STPG2: variants seen among roughly 807,000 people sequenced by gnomAD.
STPG2 encodes the protein sperm tail PG-rich repeat containing 2.
STPG2 carries 56 observed loss-of-function variants against 54.2 expected under a neutral mutation model. That is an observed-to-expected ratio of 1.03 (90% confidence interval 0.83 to 1.29). STPG2 has a LOEUF of 1.29. STPG2 is among the 50% of genes most tolerant of loss of function. STPG2 has a pLI of 0.00. For missense variants in STPG2, 596 were observed against 544.9 expected (o/e 1.09, Z -0.93); for synonymous variants, 200 against 181.8 (o/e 1.10, Z -0.81).
chr4:97,567,486 TCTGA>T (rs776439437), intron 10 of STPG2, among the ~76,000 whole-genome samples: 7 of 150,554 alleles, frequency 4.6e-5, no homozygotes, highest in Non-Finnish European at 8.9e-5. Flanking sequence ...CTCCCCATAA[TCTGA>T]CTTTCAGGAG....
At chr4:97,900,581 A>G (rs1578668850) in intron 8 of STPG2, among the ~76,000 whole-genome samples, 1 of 152,102 alleles carries the variant, frequency 6.6e-6, no homozygotes, top group Non-Finnish European at 1.5e-5. Context: ...ACAATGAAAT[A>G]CCATGCTGCC....
chr4:97,754,015 T>C (rs1578535751), intron 9 of STPG2, among the ~76,000 whole-genome samples: 1 of 152,110 alleles, frequency 6.6e-6, no homozygotes, highest in Non-Finnish European at 1.5e-5. Flanking sequence ...TTTGCACTTT[T>C]GATGTCATAT....
At chr4:97,711,771 G>A (rs1461634081) in intron 10 of STPG2, among the ~76,000 whole-genome samples, 1 of 150,172 alleles carries the variant, frequency 6.7e-6, no homozygotes, top group Non-Finnish European at 1.5e-5. Flanking sequence ...CCAGATCCAA[G>A]CGATTCTCCT....
intron 4 of STPG2, among the ~76,000 whole-genome samples, chr4:97,520,702 C>A (rs543797756): frequency 4.6e-5 from 7 of 151,938 alleles, no homozygotes; most frequent in Non-Finnish European, 1.0e-4. Context: ...AAAGTGATCA[C>A]AATATTTCCA....
intron 4 of STPG2, among the ~76,000 whole-genome samples, chr4:98,107,387 C>T (rs1384305727): frequency 6.6e-6 from 1 of 152,018 alleles, no homozygotes; most frequent in Non-Finnish European, 1.5e-5. Flanking sequence ...AAGCAGCTAA[C>T]TCAAAGAGCA....
chr4:97,906,202 G>C (rs2149193494), intron 8 of STPG2, among the ~76,000 whole-genome samples: 1 of 152,308 alleles, frequency 6.6e-6, no homozygotes, highest in South Asian at 2.1e-4. Flanking sequence ...CGATCCCACA[G>C]AAATACAAAC....
rs113523924 is a variant in STPG2 at position 97,538,151 on chromosome 4, A to T, written c.462+174548T>A. Among the ~76,000 whole-genome samples the T allele has an allele frequency of 5.5e-3, 836 of 152,358 alleles. 7 individuals carry two copies. Among genetic ancestry groups the T allele is most frequent in the Middle Eastern group, 0.02 (6 of 294 alleles). On this transcript the variant is annotated intron_variant, in intron 4 of 4. Coordinates refer to the STPG2 transcript ENST00000522676. ...AATCAGATTGCCTCTCCTCCTCCAA[A>T]GGAATGCAGCTCCTCACCAGCAATG...
chr4:97,764,510 A>T (rs142983520), intron 9 of STPG2, among the ~76,000 whole-genome samples: 1 of 152,306 alleles, frequency 6.6e-6, no homozygotes, highest in East Asian at 1.9e-4. Context: ...GGCTGGAAAG[A>T]TGAGAATATG....
intron 8 of STPG2, among the ~76,000 whole-genome samples, chr4:97,937,232 C>A (rs1414312429): frequency 6.6e-6 from 1 of 151,964 alleles, no homozygotes; most frequent in Non-Finnish European, 1.5e-5. Context: ...TCCATCAGGC[C>A]ATTTATGTTC....
At position 97,672,276 on chromosome 4, in the gene STPG2, C is replaced by T. The variant is rs775832357; in HGVS notation, c.1320+40423G>A. 1.2e-4 allele frequency among the ~76,000 whole-genome samples: 17 copies of T among 145,752 alleles called. No homozygotes were observed. The Admixed American group carries it at 1.2e-3, about 10-fold the overall frequency. On this transcript the variant is annotated intron_variant, in intron 10 of 10. Coordinates refer to ENST00000295268, the MANE Select transcript of STPG2 (RefSeq NM_174952.3). ...GCAACCTCTGCCTCCTGGGTTCAAG[C>T]GATTCTCCTGCCTCAGTCTCCTGAG...
rs190154135 is a variant in STPG2 at position 97,666,722 on chromosome 4, G to A, written c.1320+45977C>T. Among the ~76,000 whole-genome samples, 346 of 152,148 alleles carry A rather than the reference G, an allele frequency of 2.3e-3. 2 individuals carry two copies. The highest frequency in any genetic ancestry group is 5.6e-3 in the South Asian group (27 of 4,806). ...GTATCATGCTAAGCCTTGTGAACTC[G>A]GTAAATTATTATATCTGTTATACAA... On this transcript the variant is annotated intron_variant, in intron 10 of 10. Coordinates refer to ENST00000295268, the MANE Select transcript of STPG2 (RefSeq NM_174952.3).
chr4:97,834,281 TCTCA>T (rs1457915182), intron 9 of STPG2, among the ~76,000 whole-genome samples: 4 of 152,076 alleles, frequency 2.6e-5, no homozygotes, highest in Non-Finnish European at 5.9e-5. Context: ...CACCACATGT[TCTCA>T]CTCATAAGTA....
At chr4:97,661,936 C>T (rs1336151490) in intron 10 of STPG2, among the ~76,000 whole-genome samples, 1 of 152,112 alleles carries the variant, frequency 6.6e-6, no homozygotes, top group South Asian at 2.1e-4. Context: ...TCAGCTTGAA[C>T]AATATTGGAG....
At chr4:97,925,259 C>A (rs185817992) in intron 8 of STPG2, among the ~76,000 whole-genome samples, 5 of 152,278 alleles carry the variant, frequency 3.3e-5, no homozygotes, top group Non-Finnish European at 5.9e-5. Context: ...TATCACAGTG[C>A]ATCATGTTCA....
intron 10 of STPG2, among the ~76,000 whole-genome samples, chr4:97,564,337 G>A (rs1732358155): frequency 6.6e-6 from 1 of 152,184 alleles, no homozygotes; most frequent in Admixed American, 6.5e-5. Flanking sequence ...CTCTGCATGT[G>A]AGATGGGTTT....
intron 7 of STPG2, 117 bp downstream of exon 7, chr4:97,972,163 C>A: frequency 1.6e-6 from 1 of 634,678 alleles, no homozygotes; most frequent in Non-Finnish European, 2.5e-6. Flanking sequence ...ACATATGGAA[C>A]ATGGTTATAA....
intron 7 of STPG2, among the ~76,000 whole-genome samples, chr4:97,967,415 T>G (rs561223071): frequency 1.3e-5 from 2 of 152,214 alleles, no homozygotes; most frequent in African/African-American, 2.4e-5. Context: ...AATGGGAGAC[T>G]TGAACACCCC....
At chr4:97,635,771 A>G (rs1171675928) in intron 10 of STPG2, among the ~76,000 whole-genome samples, 2 of 152,158 alleles carry the variant, frequency 1.3e-5, no homozygotes, top group Non-Finnish European at 2.9e-5. Flanking sequence ...TAAAGGGATC[A>G]ATTCAACAAG....
chr4:97,922,483 C>T (rs1351624724), intron 8 of STPG2, among the ~76,000 whole-genome samples: 1 of 152,064 alleles, frequency 6.6e-6, no homozygotes, highest in Non-Finnish European at 1.5e-5. Flanking sequence ...CTGAGAATGC[C>T]TTTGTTGTAC....
Sources: allele counts gnomAD v4.1 joint callset (sites outside exome capture counted in the v4.1 genomes callset), GRCh38; gene constraint gnomAD v4.1.1; transcripts MANE v1.5; gene names NCBI Gene and HGNC (gene_info 2026-07-23, HGNC 2026-07-21).